TMEM135: variants seen among roughly 807,000 people sequenced by gnomAD.
TMEM135 encodes peroxisomal membrane protein 52.
A neutral mutation model predicts 60.3 loss-of-function variants in TMEM135; 30 were observed. The ratio of observed to expected loss-of-function variants is 0.50; its 90% CI spans 0.37 to 0.68. TMEM135 has a LOEUF of 0.68. TMEM135 is among the 30% of genes least tolerant of loss of function. The pLI, the probability that TMEM135 is intolerant of heterozygous loss-of-function variation, is 0.00. For synonymous variants in TMEM135, 190 were observed against 186.7 expected (o/e 1.02, Z -0.14); for missense variants, 468 against 548.8 (o/e 0.85, Z 1.47).
intron 1 of TMEM135, among the ~76,000 whole-genome samples, chr11:87,058,320 G>A (rs1048490703): frequency 3.5e-5 from 5 of 141,354 alleles, no homozygotes; most frequent in African/African-American, 8.5e-5. Context: ...AAATAATTCT[G>A]CCTCCTTTAT....
chr11:87,170,234 C>G (rs1001438845), intron 5 of TMEM135, among the ~76,000 whole-genome samples: 3 of 152,106 alleles, frequency 2.0e-5, no homozygotes, highest in Non-Finnish European at 4.4e-5. Flanking sequence ...TTAGAACATG[C>G]TTCTTTACCT....
chr11:87,269,260 G>A (rs12363622), intron 6 of TMEM135, among the ~76,000 whole-genome samples: 51,098 of 144,764 alleles, frequency 0.35, 9,566 homozygotes, highest in Non-Finnish European at 0.42. Flanking sequence ...ATAGATTTCA[G>A]AGAGGAAGTT....
At chr11:87,240,928 G>C (rs1941119706) in intron 6 of TMEM135, among the ~76,000 whole-genome samples, 1 of 152,014 alleles carries the variant, frequency 6.6e-6, no homozygotes, top group Non-Finnish European at 1.5e-5. Flanking sequence ...ATATGGGACT[G>C]ATTCACAGTA....
intron 6 of TMEM135, among the ~76,000 whole-genome samples, chr11:87,274,229 C>T (rs942973781): frequency 2.0e-5 from 3 of 152,088 alleles, no homozygotes; most frequent in African/African-American, 7.2e-5. Context: ...AACTAAATAA[C>T]TCTAGCTATT....
At chr11:87,250,696 T>C (rs1941396864) in intron 6 of TMEM135, among the ~76,000 whole-genome samples, 1 of 152,196 alleles carries the variant, frequency 6.6e-6, no homozygotes, top group Non-Finnish European at 1.5e-5. Context: ...TATATGGTCT[T>C]AGGTTCTTTT....
intron 5 of TMEM135, among the ~76,000 whole-genome samples, chr11:87,162,572 A>G (rs1371383372): frequency 6.6e-6 from 1 of 152,134 alleles, no homozygotes; most frequent in African/African-American, 2.4e-5. Context: ...ATGGCTGCAT[A>G]GTATTCCATG....
chr11:87,068,759 C>T (rs1747993263), intron 2 of TMEM135, among the ~76,000 whole-genome samples: 1 of 147,724 alleles, frequency 6.8e-6, no homozygotes, highest in South Asian at 2.1e-4. Flanking sequence ...TGCAGTGAGC[C>T]GAGATCGCGC....
intron 6 of TMEM135, among the ~76,000 whole-genome samples, chr11:87,274,249 A>G (rs111460300): frequency 1.6e-4 from 24 of 150,464 alleles, no homozygotes; most frequent in Non-Finnish European, 2.5e-4. Context: ...TCTGCCATCT[A>G]TTCCCTTTAC....
At chr11:87,222,741 G>T (rs1309432653) in intron 5 of TMEM135, among the ~76,000 whole-genome samples, 1 of 151,768 alleles carries the variant, frequency 6.6e-6, no homozygotes, top group Non-Finnish European at 1.5e-5. Flanking sequence ...GAGGTGGAAG[G>T]TTGCAGTGAG....
chr11:87,168,005 C>G (rs1054437842), intron 5 of TMEM135, among the ~76,000 whole-genome samples: 6 of 152,130 alleles, frequency 3.9e-5, no homozygotes, highest in African/African-American at 1.4e-4. Context: ...TTGGTCTAGT[C>G]AGGGATTCAA....
chr11:87,189,447 CA>C (rs1396745498), intron 5 of TMEM135, among the ~76,000 whole-genome samples: 2 of 152,162 alleles, frequency 1.3e-5, no homozygotes, highest in African/African-American at 4.8e-5. Flanking sequence ...AAGCGTGAGC[CA>C]CCGTGCCCAG....
chr11:87,140,888 G>GATAT (rs1938242920), intron 4 of TMEM135, among the ~76,000 whole-genome samples: 1 of 152,076 alleles, frequency 6.6e-6, no homozygotes, highest in Non-Finnish European at 1.5e-5. Flanking sequence ...AGAACCTATT[G>GATAT]ATTCTCCATT....
At chr11:87,288,580 A>G (rs1301636766) in intron 6 of TMEM135, among the ~76,000 whole-genome samples, 1 of 152,200 alleles carries the variant, frequency 6.6e-6, no homozygotes, top group African/African-American at 2.4e-5. Context: ...ATTTTTAATA[A>G]TAAAGCTACC....
chr11:87,195,373 C>CT lies in TMEM135; in HGVS notation c.462+37967_462+37968insT, dbSNP rs1565482148. Among the ~76,000 whole-genome samples the CT allele has an allele frequency of 3.4e-3, 414 of 120,970 alleles. 11 individuals carry two copies. Among genetic ancestry groups the CT allele is most frequent in the Non-Finnish European group, 5.1e-3 (280 of 54,850 alleles). 79.4% of individuals were successfully genotyped at this position (120,970 alleles called of 152,430 possible). A position where few individuals can be genotyped will look rare whatever the true frequency, so the allele number is the denominator to read the frequency against. ...TCCTTCCTTCCTTCCTTCCTTCCTT[C>CT]CTTCCTTCCTTCCTTCCTTCTCTCT... is the stretch of plus-strand genomic sequence containing the variant. On this transcript the variant is annotated intron_variant, in intron 5 of 14. Transcript: ENST00000305494.
intron 4 of TMEM135, among the ~76,000 whole-genome samples, chr11:87,123,871 ATAT>A (rs1429569051): frequency 1.3e-5 from 2 of 152,224 alleles, no homozygotes; most frequent in African/African-American, 4.8e-5. Flanking sequence ...TATAAAGCAC[ATAT>A]TATCAGTAGC....
At chr11:87,294,678 C>T (rs184455010) in intron 6 of TMEM135, among the ~76,000 whole-genome samples, 11 of 152,332 alleles carry the variant, frequency 7.2e-5, no homozygotes, top group Admixed American at 5.9e-4. Context: ...CCACTACACC[C>T]GGCCTAGGCC....
chr11:87,196,510 G>A (rs1939960948), intron 5 of TMEM135, among the ~76,000 whole-genome samples: 1 of 152,070 alleles, frequency 6.6e-6, no homozygotes, highest in African/African-American at 2.4e-5. Flanking sequence ...AAAAATTGTT[G>A]TCATTTTTCT....
At chr11:87,040,918 G>C (rs1014973109) in intron 1 of TMEM135, among the ~76,000 whole-genome samples, 1 of 152,040 alleles carries the variant, frequency 6.6e-6, no homozygotes, top group African/African-American at 2.4e-5. Flanking sequence ...TGAAGTAGGT[G>C]GCCCTTGACT....
At chr11:87,280,109 A>C (rs904613101) in intron 6 of TMEM135, among the ~76,000 whole-genome samples, 2 of 147,396 alleles carry the variant, frequency 1.4e-5, no homozygotes, top group Non-Finnish European at 2.9e-5. Context: ...ATATGTCTTA[A>C]AGTTAATGTG....
Sources: gnomAD v4.1 joint callset for allele counts (sites outside exome capture counted in the v4.1 genomes callset) on GRCh38, gnomAD v4.1.1 for gene constraint, MANE v1.5 for transcripts, NCBI Gene and HGNC (gene_info 2026-07-23, HGNC 2026-07-21) for gene names.